STXBP5L: variants seen among roughly 807,000 people sequenced by gnomAD.
STXBP5L encodes the protein syntaxin-binding protein 5-like.
Under a neutral mutation model 144.5 loss-of-function variants are expected in STXBP5L, and 65 were observed. That is an observed-to-expected ratio of 0.45 (90% confidence interval 0.37 to 0.55). The LOEUF (loss-of-function observed/expected upper bound fraction) is 0.55. Among genes scored for constraint, STXBP5L ranks in the 20% least tolerant of loss-of-function variants. STXBP5L has a pLI of 0.00. For missense variants in STXBP5L, 1,298 were observed against 1,405.5 expected, an observed-to-expected ratio of 0.92 and a Z score of 1.22; for synonymous variants, 505 against 469.6, an observed-to-expected ratio of 1.08 and a Z score of -0.97.
intron 20 of STXBP5L, among the ~76,000 whole-genome samples, chr3:121,351,872 T>G (rs991964789): frequency 1.3e-5 from 2 of 152,122 alleles, no homozygotes; most frequent in Non-Finnish European, 2.9e-5. Flanking sequence ...AAGGTGTAAG[T>G]AAGGGATCCA....
chr3:120,983,144 C>T (rs769128852), intron 3 of STXBP5L, among the ~76,000 whole-genome samples: 39 of 152,170 alleles, frequency 2.6e-4, no homozygotes, highest in Non-Finnish European at 5.3e-4. Context: ...CTGCCTGCTT[C>T]TTTCTGGCCT....
chr3:121,011,659 C>T (rs1251908843), intron 3 of STXBP5L, among the ~76,000 whole-genome samples: 1 of 150,726 alleles, frequency 6.6e-6, no homozygotes, highest in Non-Finnish European at 1.5e-5. Flanking sequence ...GTAATATTCA[C>T]TTTTAAAAAA....
intron 7 of STXBP5L, among the ~76,000 whole-genome samples, chr3:121,123,576 A>G (rs2044570529): frequency 1.3e-5 from 2 of 151,638 alleles, no homozygotes; most frequent in South Asian, 2.1e-4. Flanking sequence ...GAAAAAAAAA[A>G]GCCTGAAAGA....
At chr3:121,045,298 C>T (rs1947436876) in intron 4 of STXBP5L, 137 bp from the exon 5 acceptor site, 2 of 740,914 alleles carry the variant, frequency 2.7e-6, no homozygotes, top group South Asian at 2.4e-5. Flanking sequence ...AGTTTATGCA[C>T]CTATCCTTCC....
In STXBP5L at chr3:121,255,203, G is replaced by C. The variant is rs1357383735; in HGVS notation, c.1659+91G>C. ...GACTACTACTTGGTATGGTTTCCAT[G>C]AAGTGTGCAGTATGTGGCTAGTAAT... On this transcript the variant is annotated intron_variant, in intron 16 of 26. Transcript: ENST00000471454. The C allele has an allele frequency of 6.4e-6, 6 of 933,000 alleles. No individual in the cohort carries two copies. In the East Asian group the frequency reaches 1.6e-4, roughly 25 times the overall value. 57.8% of individuals were successfully genotyped at this position (933,000 alleles called of 1,614,324 possible).
At chr3:121,322,231 C>G (rs2043994371) in intron 20 of STXBP5L, among the ~76,000 whole-genome samples, 2 of 152,172 alleles carry the variant, frequency 1.3e-5, no homozygotes, top group African/African-American at 4.8e-5. Flanking sequence ...GTAATCTCAG[C>G]ACTTTGGGAG....
intron 3 of STXBP5L, among the ~76,000 whole-genome samples, chr3:120,961,725 C>T (rs554202833): frequency 2.0e-4 from 31 of 152,150 alleles, no homozygotes; most frequent in African/African-American, 7.0e-4. Flanking sequence ...ATAGTGCCAC[C>T]ATAAACATAC....
rs145241964 is a variant in STXBP5L at position 121,354,727 on chromosome 3, T to C, written c.2177-23989T>C. On this transcript the variant is annotated intron_variant, in intron 20 of 26. Coordinates refer to ENST00000471454, the MANE Select transcript of STXBP5L (RefSeq NM_001308330.2). ...ATATTGTTATGTGTGAATTTGATCC[T>C]GTCATTATGATGTTAGCTGGTTATT... 2.5e-3 allele frequency among the ~76,000 whole-genome samples: 380 copies of C among 152,144 alleles called. 2 individuals carry two copies. The highest frequency in any genetic ancestry group is 8.6e-3 in the African/African-American group (357 of 41,554).
At chr3:121,369,106 C>T (rs2045952543) in intron 20 of STXBP5L, among the ~76,000 whole-genome samples, 2 of 152,204 alleles carry the variant, frequency 1.3e-5, no homozygotes, top group Non-Finnish European at 2.9e-5. Flanking sequence ...GTTCCAGGAA[C>T]ATGTGCACAG....
chr3:121,128,559 G>A (rs1175258198), intron 7 of STXBP5L, among the ~76,000 whole-genome samples: 1 of 152,066 alleles, frequency 6.6e-6, no homozygotes, highest in Admixed American at 6.6e-5. Flanking sequence ...GTTGATGCAA[G>A]AGAGCCAGGT....
At chr3:121,283,635 A>T (rs1221932704) in intron 19 of STXBP5L, among the ~76,000 whole-genome samples, 1 of 152,010 alleles carries the variant, frequency 6.6e-6, no homozygotes, top group Non-Finnish European at 1.5e-5. Context: ...ATGCTTTCAC[A>T]CTACAATGGC....
At chr3:121,253,803 T>G (rs1356271434) in intron 15 of STXBP5L, among the ~76,000 whole-genome samples, 2 of 131,986 alleles carry the variant, frequency 1.5e-5, no homozygotes, top group Non-Finnish European at 3.2e-5. Flanking sequence ...GCTAATTTTT[T>G]TTTTTTCTTT....
At chr3:120,982,689 A>T (rs1383346112) in intron 3 of STXBP5L, among the ~76,000 whole-genome samples, 1 of 152,108 alleles carries the variant, frequency 6.6e-6, no homozygotes, top group Non-Finnish European at 1.5e-5. Context: ...TTGTATATAG[A>T]GGGGGAGTGG....
At chr3:121,025,268 G>T (rs1329554263) in intron 3 of STXBP5L, among the ~76,000 whole-genome samples, 1 of 152,064 alleles carries the variant, frequency 6.6e-6, no homozygotes, top group Non-Finnish European at 1.5e-5. Context: ...TAGTGAAAAG[G>T]AGTTTTCAAA....
At chr3:121,221,477 ATAT>A (rs1450553098) in intron 10 of STXBP5L, among the ~76,000 whole-genome samples, 1 of 151,686 alleles carries the variant, frequency 6.6e-6, no homozygotes, top group African/African-American at 2.4e-5. Flanking sequence ...GTTAAGCTTA[ATAT>A]TATTATTAAT....
At chr3:121,147,984 C>T (rs2045778970) in intron 7 of STXBP5L, among the ~76,000 whole-genome samples, 1 of 152,046 alleles carries the variant, frequency 6.6e-6, no homozygotes, top group African/African-American at 2.4e-5. Context: ...GGTCTTCAGA[C>T]TCAGACTGGC....
intron 20 of STXBP5L, among the ~76,000 whole-genome samples, chr3:121,369,810 G>A (rs1280889700): frequency 1.3e-5 from 2 of 152,166 alleles, no homozygotes; most frequent in Non-Finnish European, 2.9e-5. Flanking sequence ...TGATGGTTAT[G>A]TGTCTTGGGG....
At chr3:121,152,453 A>C in intron 7 of STXBP5L, 24 bp from the exon 8 acceptor site, 1 of 1,518,906 alleles carries the variant, frequency 6.6e-7, no homozygotes, top group Admixed American at 1.9e-5. Context: ...GAATTAAGAA[A>C]ATGATTGTTC....
intron 3 of STXBP5L, among the ~76,000 whole-genome samples, chr3:121,024,754 A>G (rs964071681): frequency 2.0e-5 from 3 of 152,206 alleles, no homozygotes; most frequent in African/African-American, 7.2e-5. Context: ...TCCATGATAT[A>G]TATCCCATAA....
Sources: gnomAD v4.1 joint callset for allele counts (sites outside exome capture counted in the v4.1 genomes callset) on GRCh38, gnomAD v4.1.1 for gene constraint, MANE v1.5 for transcripts, NCBI Gene and HGNC (gene_info 2026-07-23, HGNC 2026-07-21) for gene names.